The following SLC14A2 variants were observed in gnomAD, a reference collection of about 807,000 sequenced individuals.
SLC14A2 encodes the protein urea transporter 2.
A neutral mutation model predicts 104.6 loss-of-function variants in SLC14A2; 91 were observed. That is an observed-to-expected ratio of 0.87 (90% CI 0.73 to 1.04). The LOEUF is 1.04. Among genes scored for constraint, SLC14A2 ranks in the 50% least tolerant of loss-of-function variants. The probability of loss-of-function intolerance (pLI) is 0.00; values close to 1 mark genes in which losing one functional copy is unlikely to be tolerated. For missense variants in SLC14A2, 1,189 were observed against 1,156.0 expected (o/e 1.03, Z -0.41); for synonymous variants, 476 against 466.4 (o/e 1.02, Z -0.27).
chr18:45,650,270 T>TA (rs1449170075), intron 10 of SLC14A2, among the ~76,000 whole-genome samples: 2 of 152,230 alleles, frequency 1.3e-5, no homozygotes, highest in Non-Finnish European at 2.9e-5. Flanking sequence ...ATCATGTTTT[T>TA]AGTTTCAGAA....
intron 1 of SLC14A2, among the ~76,000 whole-genome samples, chr18:45,618,428 G>A (rs1179014172): frequency 6.6e-6 from 1 of 152,106 alleles, no homozygotes; most frequent in Non-Finnish European, 1.5e-5. Context: ...CAGCACTTTG[G>A]GAGGCCCAGG....
chr18:45,425,032 C>T (rs1279671248), intron 1 of SLC14A2, among the ~76,000 whole-genome samples: 2 of 152,190 alleles, frequency 1.3e-5, no homozygotes, highest in African/African-American at 4.8e-5. Context: ...TTTCACCAAG[C>T]ACATCCCAGA....
rs2084621690 is a variant in SLC14A2 at position 45,268,964 on chromosome 18, T to TGTGTGTGTGTGTGTGTGTGTGTG, written c.-125+55773_-125+55774insGTGTGTGTGTGTGTGTGTGTGTG. On this transcript the variant is annotated intron_variant, in intron 1 of 20. Coordinates refer to the SLC14A2 transcript ENST00000586448. ...TGCCTCCTTTATGCTGTTGGTGTGT[T>TGTGTGTGTGTGTGTGTGTGTGTG]TGTGTGTGTGTGTGTGTGTGTGTAC... Among the ~76,000 whole-genome samples the TGTGTGTGTGTGTGTGTGTGTGTG allele has an allele frequency of 7.0e-5, 10 of 143,560 alleles. No homozygotes were observed. The South Asian group carries it at 2.2e-3, about 32-fold the overall frequency. 94.2% of individuals were successfully genotyped at this position (143,560 alleles called of 152,430 possible).
At chr18:45,585,990 G>C (rs1308128853) in intron 2 of SLC14A2, among the ~76,000 whole-genome samples, 2 of 152,214 alleles carry the variant, frequency 1.3e-5, no homozygotes, top group Non-Finnish European at 2.9e-5. Flanking sequence ...GATTAATTGG[G>C]TGTGTTGGGG....
intron 1 of SLC14A2, among the ~76,000 whole-genome samples, chr18:45,284,516 T>A (rs767663471): frequency 2.0e-5 from 3 of 152,198 alleles, no homozygotes; most frequent in Non-Finnish European, 4.4e-5. Flanking sequence ...CCAGGTAAAG[T>A]GGCTGCTAGA....
rs150313115 is a variant in SLC14A2 at position 45,663,865 on chromosome 18, G to A, written c.1432G>A (p.Val478Ile). ...GGCTGTGCTCTCCAAGCACAGGAGT[G>A]TATTTCACATCGAGTGGTCATCCAT... ...SEAVLSKHRSVFHIEWSSIRR... is the reference protein window; with the variant it reads ...SEAVLSKHRSIFHIEWSSIRR... The change falls in exon 11 of 20, where the codon GTA becomes ATA. Residue 478 changes from valine to isoleucine, a missense_variant. Physicochemically the swap from Val to Ile is conservative, Grantham distance 29. Transcript: ENST00000255226. 3,691 of 1,613,504 alleles carry A rather than the reference G, an allele frequency of 2.3e-3. 8 individuals are homozygous for A. The highest frequency in any genetic ancestry group is 2.8e-3 in the Non-Finnish European group (3,313 of 1,179,886).
chr18:45,650,301 G>GAAAATTAAAAAA (rs2045709810), intron 10 of SLC14A2, among the ~76,000 whole-genome samples: 1 of 152,050 alleles, frequency 6.6e-6, no homozygotes, highest in African/African-American at 2.4e-5. Context: ...AGCTAAAATA[G>GAAAATTAAAAAA]AAGATCCATG....
chr18:45,584,458 G>GT (rs1176556612), intron 2 of SLC14A2, among the ~76,000 whole-genome samples: 1 of 152,222 alleles, frequency 6.6e-6, no homozygotes, highest in Non-Finnish European at 1.5e-5. Context: ...ACCTGTAGCA[G>GT]TTTTTTTCTC....
Position 45,365,628 on chromosome 18 carries a change from G to A in SLC14A2, c.-124-117605G>A, listed in dbSNP as rs116826315. On this transcript the variant is annotated intron_variant, in intron 1 of 20. Transcript: ENST00000586448. The stretch of plus-strand genomic sequence containing the variant: ...GAGATTTCGTATCATGCCCAGCATC[G>A]CAGAGGTTCCAGATCACCTATACCT... 7.0e-3 allele frequency among the ~76,000 whole-genome samples: 1,069 copies of A among 152,236 alleles called. 11 individuals carry two copies. Among genetic ancestry groups the A allele is most frequent in the African/African-American group, 0.019 (784 of 41,544 alleles).
At chr18:45,560,361 AC>A (rs2044185124) in intron 2 of SLC14A2, among the ~76,000 whole-genome samples, 1 of 151,836 alleles carries the variant, frequency 6.6e-6, no homozygotes, top group African/African-American at 2.4e-5. Context: ...CCCCATCTCT[AC>A]CCCCAGAATC....
chr18:45,292,888 C>T (rs2084883279), intron 1 of SLC14A2, among the ~76,000 whole-genome samples: 3 of 152,126 alleles, frequency 2.0e-5, no homozygotes, highest in South Asian at 4.1e-4. Context: ...CTTTCATGTA[C>T]ACTCCCAATG....
intron 1 of SLC14A2, among the ~76,000 whole-genome samples, chr18:45,281,824 T>C (rs1352179381): frequency 6.6e-6 from 1 of 152,192 alleles, no homozygotes; most frequent in Non-Finnish European, 1.5e-5. Context: ...ACCACTGCCA[T>C]GCAGCTGAGA....
chr18:45,661,555 G>C (rs545788291), intron 10 of SLC14A2, among the ~76,000 whole-genome samples: 10 of 152,332 alleles, frequency 6.6e-5, no homozygotes, highest in African/African-American at 2.4e-4. Flanking sequence ...TGTATGATTT[G>C]GGTGAGTTAA....
At chr18:45,658,995 G>A (rs1416201189) in intron 10 of SLC14A2, among the ~76,000 whole-genome samples, 1 of 152,170 alleles carries the variant, frequency 6.6e-6, no homozygotes, top group Non-Finnish European at 1.5e-5. Context: ...CAGGGACCGT[G>A]CCCCTGAAAT....
rs1328340616 is a variant in SLC14A2 at position 45,673,044 on chromosome 18, G to A, written c.2374G>A (p.Ala792Thr). Reference sequence around the variant, plus strand: ...AATTGGATCCACCATGGGGATGCTAGCAGGTCTGTGTCCTCACTTCCCTGG... The same window carrying A: ...AATTGGATCCACCATGGGGATGCTAACAGGTCTGTGTCCTCACTTCCCTGG... ...AAIGSTMGMLAALTIATPFDS... is the reference protein window; with the variant it reads ...AAIGSTMGMLTALTIATPFDS... The change falls in exon 17 of 20, where the codon GCA (alanine) becomes ACA (threonine). Residue 792 changes from alanine (A) to threonine (T), a missense_variant. By Grantham distance (58) the Ala-to-Thr change is moderately conservative (BLOSUM62 0). Coordinates refer to ENST00000255226, the MANE Select transcript of SLC14A2 (RefSeq NM_007163.4). 1.2e-6 allele frequency: 2 copies of A among 1,613,664 alleles called. No individual in the cohort carries two copies. The highest frequency in any genetic ancestry group is 2.7e-5 in the African/African-American group (2 of 74,914).
At chr18:45,225,344 G>A (rs1439484783) in intron 1 of SLC14A2, among the ~76,000 whole-genome samples, 1 of 152,048 alleles carries the variant, frequency 6.6e-6, no homozygotes, top group Non-Finnish European at 1.5e-5. Context: ...CTGTTCCATT[G>A]GTCTATATCT....
At chr18:45,286,263 A>G (rs2084813702) in intron 1 of SLC14A2, among the ~76,000 whole-genome samples, 1 of 152,142 alleles carries the variant, frequency 6.6e-6, no homozygotes, top group South Asian at 2.1e-4. Flanking sequence ...ATCTTTGTTC[A>G]TATAATCACA....
chr18:45,429,542 C>G (rs1443182208), intron 1 of SLC14A2, among the ~76,000 whole-genome samples: 1 of 152,128 alleles, frequency 6.6e-6, no homozygotes, highest in Non-Finnish European at 1.5e-5. Context: ...TCCCTGTTGT[C>G]AAATAACTGT....
chr18:45,428,001 A>G lies in SLC14A2; in HGVS notation c.-124-55232A>G, dbSNP rs577391811. On this transcript the variant is annotated intron_variant, in intron 1 of 20. Transcript: ENST00000586448. The stretch of plus-strand genomic sequence containing the variant: ...GGCATGAAAGAGCATTGACAAATAC[A>G]CAACACCATCCAAGTAAGAAAGAGT... Among the ~76,000 whole-genome samples the G allele has an allele frequency of 1.9e-4, 29 of 152,360 alleles. No individual in the cohort carries two copies. The Middle Eastern group carries it at 0.01, about 54-fold the overall frequency.
Sources: gnomAD v4.1 joint callset for allele counts (sites outside exome capture counted in the v4.1 genomes callset) on GRCh38, gnomAD v4.1.1 for gene constraint, MANE v1.5 for transcripts, NCBI Gene and HGNC (gene_info 2026-07-23, HGNC 2026-07-21) for gene names.